BMF: variants seen among roughly 807,000 people sequenced by gnomAD.
The protein encoded by BMF is Bcl2 modifying factor.
In BMF, 10 loss-of-function variants were observed where a neutral mutation model predicts 22.0. The ratio of observed to expected loss-of-function variants is 0.45; its 90% CI spans 0.28 to 0.77. BMF has a LOEUF of 0.77. Ranked by LOEUF, BMF falls within the 30% of genes least tolerant of loss-of-function variation. The pLI is 0.13. For synonymous variants in BMF, 87 were observed against 88.1 expected (o/e 0.99, Z 0.07); for missense variants, 206 against 226.8 (o/e 0.91, Z 0.59).
chr15:40,088,565 G>A lies in BMF; in HGVS notation c.*3222C>T, dbSNP rs1210050006. 2.0e-5 allele frequency: 3 copies of A among 152,356 alleles called. No individual in the cohort carries two copies. Among genetic ancestry groups the A allele is most frequent in the Non-Finnish European group, 4.4e-5 (3 of 68,132 alleles). The allele number at this position is 152,356 out of a possible 1,614,324, so 9.4% of individuals were successfully genotyped here. A position where few individuals can be genotyped will look rare whatever the true frequency, so the allele number is the denominator to read the frequency against. On this transcript the variant is annotated 3_prime_UTR_variant, in exon 5 of 5. Transcript: ENST00000354670. ...GGGGTAGCATGCTCCTTGCTGTCCA[G>A]GACAGTCACCGTGGCTCCACAGCAC...
In BMF at chr15:40,105,816, C is replaced by T; in HGVS notation, c.271G>A (p.Glu91Lys). Residue 91 changes from glutamate to lysine, a missense_variant, in exon 3 of 5, where the codon GAA (glutamate) becomes AAA (lysine). Physicochemically the swap from Glu to Lys is moderately conservative, Grantham distance 56 (BLOSUM62 1). Coordinates refer to ENST00000354670, the MANE Select transcript of BMF (RefSeq NM_001003940.2). ...GVMLPCGVTE[E>K]PQRLFYGNAG... Reference sequence around the variant, plus strand: ...TCACCATAAAAGAGTCGCTGGGGTTCCTCAGTCACCCCACAAGGCAGCATG... The same window carrying T: ...TCACCATAAAAGAGTCGCTGGGGTTTCTCAGTCACCCCACAAGGCAGCATG... The T allele has an allele frequency of 6.2e-7, 1 of 1,605,244 alleles. No individual in the cohort carries two copies. The highest frequency in any genetic ancestry group is 1.7e-4 in the Middle Eastern group (1 of 6,016).
In BMF at chr15:40,091,623, C is replaced by T. The variant is rs550162341; in HGVS notation, c.*164G>A. ...AGGGCCTGACAGAGAAAGAAGGTCCCGCTTGAGTATGTTGTATGTACACTC... is the reference window on the plus strand; with the variant it reads ...AGGGCCTGACAGAGAAAGAAGGTCCTGCTTGAGTATGTTGTATGTACACTC... On this transcript the variant is annotated 3_prime_UTR_variant, in exon 5 of 5. Coordinates refer to ENST00000354670, the MANE Select transcript of BMF (RefSeq NM_001003940.2). The T allele has an allele frequency of 9.1e-5, 53 of 584,084 alleles. No individual in the cohort carries two copies. The highest frequency in any genetic ancestry group is 4.7e-4 in the Middle Eastern group (1 of 2,140). The allele number at this position is 584,084 out of a possible 1,614,324, so 36.2% of individuals were successfully genotyped here.
chr15:40,105,962 C>A lies in BMF; in HGVS notation c.125G>T (p.Cys42Phe), dbSNP rs889722172. The part of the protein sequence containing the change: ...ADLFAQSLLD[C>F]PLSRLQLFPL... ...GAAGAGCTGAAGTCGGCTGAGGGGG[C>A]AGTCCAGTAGGCTCTGGGCAAACAG... Residue 42 changes from cysteine (C) to phenylalanine (F), a missense_variant, in exon 3 of 5, where the codon TGC (cysteine) becomes TTC (phenylalanine). Physicochemically the swap from Cys to Phe is radical, Grantham distance 205. Transcript: ENST00000354670. 6.2e-6 allele frequency: 10 copies of A among 1,613,966 alleles called. No homozygotes were observed. The Middle Eastern group carries it at 4.9e-4, about 80-fold the overall frequency.
chr15:40,104,067 A>G, intron 4 of BMF, 113 bp downstream of exon 4: 1 of 1,413,292 alleles, frequency 7.1e-7, no homozygotes, highest in East Asian at 2.3e-5. Flanking sequence ...AAACTCTGGG[A>G]CAATATCCTT....
chr15:40,103,820 C>T (rs572552354), intron 4 of BMF, among the ~76,000 whole-genome samples: 160 of 152,314 alleles, frequency 1.1e-3, no homozygotes, highest in African/African-American at 3.3e-3. Flanking sequence ...TTGCAGCACC[C>T]GGAAAATCTT....
Position 40,092,588 on chromosome 15 carries a change from C to A in BMF, c.454-700G>T, listed in dbSNP as rs1470564152. Reference sequence around the variant, plus strand: ...TAATCCCTCTTGGAGCGCTCTCCTACTGACTGGAGCCAATTAAACATTAAG... The same window carrying A: ...TAATCCCTCTTGGAGCGCTCTCCTAATGACTGGAGCCAATTAAACATTAAG... On this transcript the variant is annotated intron_variant, in intron 4 of 4. Coordinates refer to ENST00000354670, the MANE Select transcript of BMF (RefSeq NM_001003940.2). Among the ~76,000 whole-genome samples, 3 of 152,220 alleles carry A rather than the reference C, an allele frequency of 2.0e-5. No homozygotes were observed. The East Asian group carries it at 5.8e-4, about 29-fold the overall frequency.
chr15:40,092,758 C>T (rs1316891210), intron 4 of BMF, among the ~76,000 whole-genome samples: 1 of 152,072 alleles, frequency 6.6e-6, no homozygotes, highest in African/African-American at 2.4e-5. Flanking sequence ...GCCCTGCCCA[C>T]ACAGGTACCA....
intron 3 of BMF, 72 bp from the exon 4 acceptor site, chr15:40,104,412 G>T: frequency 6.4e-7 from 1 of 1,567,844 alleles, no homozygotes; most frequent in Non-Finnish European, 8.7e-7. Flanking sequence ...TGCCTGACCT[G>T]GCCAAGATTG....
rs893131306 is a variant in BMF at position 40,088,853 on chromosome 15, C to A, written c.*2934G>T. On this transcript the variant is annotated 3_prime_UTR_variant, in exon 5 of 5. Coordinates refer to ENST00000354670, the MANE Select transcript of BMF (RefSeq NM_001003940.2). ...GACTTTGAAACAGGCCAGGCAGAGGCCAGGCTGAGTCCTCCACCCTCATTG... is the reference window on the plus strand; with the variant it reads ...GACTTTGAAACAGGCCAGGCAGAGGACAGGCTGAGTCCTCCACCCTCATTG... 83 of 152,486 alleles carry A rather than the reference C, an allele frequency of 5.4e-4. No homozygotes were observed. Among genetic ancestry groups the A allele is most frequent in the Non-Finnish European group, 9.8e-4 (67 of 68,094 alleles). The allele number at this position is 152,486 out of a possible 1,614,324, so 9.4% of individuals were successfully genotyped here.
In BMF at chr15:40,091,654, G is replaced by C; in HGVS notation, c.*133C>G. The C allele has an allele frequency of 2.9e-6, 2 of 698,422 alleles. No individual in the cohort carries two copies. Among genetic ancestry groups the C allele is most frequent in the Non-Finnish European group, 4.8e-6 (2 of 414,334 alleles). 43.3% of individuals were successfully genotyped at this position (698,422 alleles called of 1,614,324 possible). On this transcript the variant is annotated 3_prime_UTR_variant, in exon 5 of 5. Transcript: ENST00000354670. The stretch of plus-strand genomic sequence containing the variant: ...AGTATGTTGTATGTACACTCAGAGA[G>C]AAATTAAAAAAAATTAAAACACAAA...
At position 40,106,990 on chromosome 15, in the gene BMF, T is replaced by A. The variant is rs2047276816; in HGVS notation, c.-5-899A>T. Among the ~76,000 whole-genome samples the A allele has an allele frequency of 6.6e-6, 1 of 152,200 alleles. No individual in the cohort carries two copies. Among genetic ancestry groups the A allele is most frequent in the South Asian group, 2.1e-4 (1 of 4,830 alleles). On this transcript the variant is annotated intron_variant, in intron 2 of 4. Coordinates refer to ENST00000354670, the MANE Select transcript of BMF (RefSeq NM_001003940.2). The surrounding 1 kb of genome is among the most constrained non-coding windows in gnomAD (Gnocchi z 4.1). ...CTGGTCTTACAGAAGGAAGTGAAAT[T>A]CAGCCCTCTCCCTGTGACCTCACTC...
At chr15:40,093,211 G>A (rs567514877) in intron 4 of BMF, among the ~76,000 whole-genome samples, 2 of 152,316 alleles carry the variant, frequency 1.3e-5, no homozygotes, top group Non-Finnish European at 2.9e-5. Flanking sequence ...GCTGCCCTAG[G>A]CCACAAAAAG....
chr15:40,102,364 G>T (rs2036494658), intron 4 of BMF, among the ~76,000 whole-genome samples: 1 of 148,802 alleles, frequency 6.7e-6, no homozygotes, highest in Non-Finnish European at 1.5e-5. Flanking sequence ...GGGAGGCAGA[G>T]GTTGCAGTGA....
At chr15:40,102,300 G>A (rs895455398) in intron 4 of BMF, among the ~76,000 whole-genome samples, 13 of 151,680 alleles carry the variant, frequency 8.6e-5, no homozygotes, top group Admixed American at 2.6e-4. Flanking sequence ...GTGGTGGTGC[G>A]TGCCTATAAT....
At position 40,106,307 on chromosome 15, in the gene BMF, C is replaced by T. The variant is rs1359248358; in HGVS notation, c.-5-216G>A. 6.1e-6 allele frequency: 3 copies of T among 488,588 alleles called. No individual in the cohort carries two copies. Among genetic ancestry groups the T allele is most frequent in the Non-Finnish European group, 6.9e-6 (2 of 289,842 alleles). 30.3% of individuals were successfully genotyped at this position (488,588 alleles called of 1,614,324 possible). ...GAATGTTCAGGGGCTCTCCACACCT[C>T]TTCCCTGGGCCCGCCTGGAACCACC... On this transcript the variant is annotated intron_variant, in intron 2 of 4. Transcript: ENST00000354670. The surrounding 1 kb of genome is among the most constrained non-coding windows in gnomAD (Gnocchi z 4.1).
chr15:40,091,971 A>G (rs962398093), intron 4 of BMF, 83 bp from the exon 5 acceptor site: 1 of 1,065,006 alleles, frequency 9.4e-7, no homozygotes, highest in Non-Finnish European at 1.4e-6. Context: ...GTAAAAGTTC[A>G]GATCTCCAAG....
chr15:40,108,453 CAA>C (rs2036632697), intron 1 of BMF, 67 bp from the exon 2 acceptor site: 1 of 152,792 alleles, frequency 6.5e-6, no homozygotes, highest in Non-Finnish European at 1.5e-5. Flanking sequence ...TGTCCTATCC[CAA>C]AGTCAGACCC....
intron 4 of BMF, among the ~76,000 whole-genome samples, chr15:40,096,110 T>TCAG (rs1595476172): frequency 6.6e-6 from 1 of 151,230 alleles, no homozygotes; most frequent in East Asian, 1.9e-4. Context: ...TGTGATAGTA[T>TCAG]CAGCCTCACA....
Position 40,089,951 on chromosome 15 carries a change from A to G in BMF, c.*1836T>C, listed in dbSNP as rs1007871345. The G allele has an allele frequency of 1.3e-5, 2 of 152,696 alleles. No homozygotes were observed. Among genetic ancestry groups the G allele is most frequent in the African/African-American group, 4.8e-5 (2 of 41,474 alleles). 9.5% of individuals were successfully genotyped at this position (152,696 alleles called of 1,614,324 possible). A position where few individuals can be genotyped will look rare whatever the true frequency, so the allele number is the denominator to read the frequency against. On this transcript the variant is annotated 3_prime_UTR_variant, in exon 5 of 5. Coordinates refer to ENST00000354670, the MANE Select transcript of BMF (RefSeq NM_001003940.2). ...GACAAATCATGGTACACACCCTGAG[A>G]ATAGAATTCTGACCAAGAAGAGGTA...
Sources: allele counts gnomAD v4.1 joint callset (sites outside exome capture counted in the v4.1 genomes callset), GRCh38; gene constraint gnomAD v4.1.1; non-coding constraint Gnocchi (gnomAD v3.1); transcripts MANE v1.5; gene names NCBI Gene and HGNC (gene_info 2026-07-23, HGNC 2026-07-21).